Variants in SVOP observed in about 807,000 individuals in gnomAD.
The protein encoded by SVOP is SV2 related protein.
Under a neutral mutation model 69.1 loss-of-function variants are expected in SVOP, and 17 were observed. The observed-to-expected ratio is 0.25, with a 90% CI of 0.17 to 0.37. The LOEUF is 0.37. Ranked by LOEUF, SVOP falls within the 10% of genes least tolerant of loss-of-function variation. SVOP has a pLI of 1.00. For synonymous variants in SVOP, 238 were observed against 238.6 expected (o/e 1.00, Z 0.02); for missense variants, 435 against 597.5 (o/e 0.73, Z 2.84).
At chr12:109,006,589 G>A (rs766347637) in intron 1 of SVOP, among the ~76,000 whole-genome samples, 2 of 152,144 alleles carry the variant, frequency 1.3e-5, no homozygotes, top group Non-Finnish European at 2.9e-5. Flanking sequence ...AAAGAAATGG[G>A]CAAGGCAGAG....
chr12:109,005,948 T>A (rs1476013994), intron 1 of SVOP, among the ~76,000 whole-genome samples: 1 of 152,164 alleles, frequency 6.6e-6, no homozygotes, highest in Non-Finnish European at 1.5e-5. Context: ...GGGTTTCAAG[T>A]AGCAGCAAGA....
At chr12:108,935,694 C>T (rs958195037) in intron 10 of SVOP, among the ~76,000 whole-genome samples, 1 of 152,158 alleles carries the variant, frequency 6.6e-6, no homozygotes, top group East Asian at 1.9e-4. Flanking sequence ...TAAAATAGAA[C>T]ATAAAGCCTT....
chr12:108,922,837 A>G (rs957405301), intron 11 of SVOP, 40 bp from the exon 12 acceptor site: 1 of 1,426,890 alleles, frequency 7.0e-7, no homozygotes, highest in African/African-American at 1.4e-5. Context: ...AGACATATAC[A>G]GAGTCTTGAA....
At chr12:108,980,916 T>C (rs1175057860) in intron 2 of SVOP, among the ~76,000 whole-genome samples, 2 of 152,096 alleles carry the variant, frequency 1.3e-5, no homozygotes, top group Non-Finnish European at 2.9e-5. Flanking sequence ...CAGAGTGAGT[T>C]TCCATCTGAA....
intron 5 of SVOP, among the ~76,000 whole-genome samples, chr12:108,967,581 C>T (rs532923590): frequency 6.6e-6 from 1 of 152,092 alleles, no homozygotes; most frequent in Non-Finnish European, 1.5e-5. Context: ...ACATGAAGAG[C>T]GGATGCCACA....
At chr12:108,954,556 A>G (rs1238527860) in intron 6 of SVOP, among the ~76,000 whole-genome samples, 2 of 152,094 alleles carry the variant, frequency 1.3e-5, no homozygotes, top group South Asian at 2.1e-4. Flanking sequence ...CCAGAACCCC[A>G]TGGGAAGAAT....
At chr12:108,961,776 T>C (rs561592449) in intron 5 of SVOP, among the ~76,000 whole-genome samples, 119 of 152,362 alleles carry the variant, frequency 7.8e-4, no homozygotes, top group Non-Finnish European at 1.4e-3. Context: ...TAGACAGAGT[T>C]GTAGGTAAAC....
At chr12:109,003,056 C>T (rs905072250) in intron 1 of SVOP, among the ~76,000 whole-genome samples, 1 of 151,350 alleles carries the variant, frequency 6.6e-6, no homozygotes, top group Non-Finnish European at 1.5e-5. Context: ...TGTACCAAAC[C>T]TACTGAATCA....
rs374889554 is a variant in SVOP, at chr12:108,938,864, G to A, written c.860C>T (p.Ala287Val). The A allele has an allele frequency of 6.2e-7, 1 of 1,614,022 alleles. No homozygotes were observed. The highest frequency in any genetic ancestry group is 1.7e-5 in the Admixed American group (1 of 60,020). The change falls in exon 9 of 16, where the codon GCT becomes GTT. Residue 287 changes from alanine (A) to valine (V), a missense_variant. By Grantham distance (64) the Ala-to-Val change is moderately conservative. Transcript: ENST00000610966. ...TLKRIATENG[A>V]PMPLGKLIIS... Reference sequence around the variant, plus strand: ...GATGAGTTTCCCCAGCGGCATGGGAGCTCCGTTTTCAGTTGCTATCCTCTT... The same window carrying A: ...GATGAGTTTCCCCAGCGGCATGGGAACTCCGTTTTCAGTTGCTATCCTCTT...
chr12:108,974,607 T>C (rs1314488530), intron 4 of SVOP, among the ~76,000 whole-genome samples: 7 of 152,054 alleles, frequency 4.6e-5, no homozygotes, highest in Admixed American at 1.3e-4. Flanking sequence ...GGCGTGTGTC[T>C]TTGGTCCCAG....
At position 109,015,870 on chromosome 12, in the gene SVOP, T is replaced by G. The variant is rs574559658; in HGVS notation, c.35+4964A>C. Among the ~76,000 whole-genome samples, 17 of 152,068 alleles carry G rather than the reference T, an allele frequency of 1.1e-4. 1 individual carries two copies. Among genetic ancestry groups the G allele is most frequent in the Admixed American group, 3.3e-4 (5 of 15,258 alleles). On this transcript the variant is annotated intron_variant, in intron 1 of 15. Coordinates refer to ENST00000610966, the MANE Select transcript of SVOP (RefSeq NM_018711.5). ...CTTGACTCCAAAGTTTCCGGCCAAA[T>G]GGGACAAATGGAGTTGTTATCAACT...
intron 1 of SVOP, among the ~76,000 whole-genome samples, chr12:109,003,231 A>G (rs1003063109): frequency 3.3e-5 from 5 of 152,184 alleles, no homozygotes; most frequent in African/African-American, 9.6e-5. Flanking sequence ...GGGAATGGGA[A>G]GTTTTGAGGG....
chr12:108,933,112 C>T (rs2039831797), intron 11 of SVOP, among the ~76,000 whole-genome samples: 1 of 152,186 alleles, frequency 6.6e-6, no homozygotes, highest in Non-Finnish European at 1.5e-5. Flanking sequence ...CTCCTGGCCT[C>T]AGCCTACCTG....
At position 108,912,127 on chromosome 12, in the gene SVOP, C is replaced by T. The variant is rs1005503440; in HGVS notation, c.*408G>A. On this transcript the variant is annotated 3_prime_UTR_variant, in exon 16 of 16. Transcript: ENST00000610966. The stretch of plus-strand genomic sequence containing the variant: ...GTGGGAGAAACCTACTGAACAGGTC[C>T]GGTGGGTGGACAGCAGGTGTCACAT... The T allele has an allele frequency of 2.1e-5, 21 of 1,005,992 alleles. No homozygotes were observed. The highest frequency in any genetic ancestry group is 1.1e-4 in the South Asian group (3 of 26,374). The allele number at this position is 1,005,992 out of a possible 1,614,324, so 62.3% of individuals were successfully genotyped here.
rs779378388 is a variant in SVOP, at chr12:108,912,639, G to A, written c.1543C>T (p.Arg515Ter). 12 of 1,613,792 alleles carry A rather than the reference G, an allele frequency of 7.4e-6. No homozygotes were observed. Among genetic ancestry groups the A allele is most frequent in the African/African-American group, 5.3e-5 (4 of 74,880 alleles). ...CGGTGGCTGGACTCCTGCAGTCCTC[G>A]GCCTTTGGTCTCAATGGGCAAAAAG... ...SCFLPIETKG[R>*]GLQESSHREW... The change falls in exon 16 of 16, where the codon CGA becomes TGA. Residue 515 changes from arginine to a stop codon, truncating the protein, a stop_gained. Coordinates refer to ENST00000610966, the MANE Select transcript of SVOP (RefSeq NM_018711.5). LOFTEE classifies it high-confidence loss of function.
intron 1 of SVOP, among the ~76,000 whole-genome samples, chr12:108,998,563 A>C (rs1394865879): frequency 1.3e-5 from 2 of 152,248 alleles, no homozygotes; most frequent in East Asian, 1.9e-4. Flanking sequence ...GCCTGAGAGA[A>C]AGGTCGGGTT....
At chr12:108,955,948 A>T (rs1300441439) in intron 6 of SVOP, among the ~76,000 whole-genome samples, 1 of 152,188 alleles carries the variant, frequency 6.6e-6, no homozygotes, top group Admixed American at 6.5e-5. Context: ...TATGTGACAG[A>T]GCAGCCAGGA....
chr12:109,017,697 T>A (rs2040375217), intron 1 of SVOP, among the ~76,000 whole-genome samples: 1 of 152,030 alleles, frequency 6.6e-6, no homozygotes, highest in Non-Finnish European at 1.5e-5. Flanking sequence ...TGTGCCACCA[T>A]GCCTGACTAA....
At position 108,912,425 on chromosome 12, in the gene SVOP, A is replaced by G. The variant is rs1049299726; in HGVS notation, c.*110T>C. 1.3e-6 allele frequency: 2 copies of G among 1,557,012 alleles called. No individual in the cohort carries two copies. Among genetic ancestry groups the G allele is most frequent in the African/African-American group, 2.7e-5 (2 of 73,730 alleles). On this transcript the variant is annotated 3_prime_UTR_variant, in exon 16 of 16. Coordinates refer to ENST00000610966, the MANE Select transcript of SVOP (RefSeq NM_018711.5). ...ACAAAACCCTGTTGGTCCAGGTCAT[A>G]CTCTTGGGTGAGTTCTTGATGTCGG... is the stretch of plus-strand genomic sequence containing the variant.
Sources: gnomAD v4.1 joint callset for allele counts (sites outside exome capture counted in the v4.1 genomes callset) on GRCh38, gnomAD v4.1.1 for gene constraint, MANE v1.5 for transcripts, NCBI Gene and HGNC (gene_info 2026-07-23, HGNC 2026-07-21) for gene names.